Variants in NELL2 observed in about 807,000 individuals in gnomAD.
The protein encoded by NELL2 is protein kinase C-binding protein NELL2.
Under a neutral mutation model 109.6 loss-of-function variants are expected in NELL2, and 41 were observed. The ratio of observed to expected loss-of-function variants is 0.37; its 90% confidence interval spans 0.29 to 0.49. NELL2 has a LOEUF of 0.49. NELL2 is among the 20% of genes least tolerant of loss of function. NELL2 has a pLI of 0.98. For synonymous variants in NELL2, 355 were observed against 344.7 expected, an observed-to-expected ratio of 1.03 and a Z score of -0.33; for missense variants, 900 against 1,008.3, an observed-to-expected ratio of 0.89 and a Z score of 1.45.
chr12:44,683,198 A>C (rs566258450), intron 12 of NELL2, among the ~76,000 whole-genome samples: 140 of 152,156 alleles, frequency 9.2e-4, no homozygotes, highest in Non-Finnish European at 1.7e-3. Flanking sequence ...ACGGGAGTTC[A>C]CTCATGATTT....
intron 12 of NELL2, among the ~76,000 whole-genome samples, chr12:44,678,605 A>G (rs1328637255): frequency 1.3e-5 from 2 of 152,094 alleles, no homozygotes; most frequent in Non-Finnish European, 2.9e-5. Flanking sequence ...TCCCACATGC[A>G]TTGTGAGCTA....
At chr12:44,893,353 T>C (rs959522756) in intron 1 of NELL2, among the ~76,000 whole-genome samples, 4 of 152,214 alleles carry the variant, frequency 2.6e-5, no homozygotes, top group Non-Finnish European at 4.4e-5. Flanking sequence ...TCATTTTCAA[T>C]TCTGAAATTT....
upstream of NELL2, among the ~76,000 whole-genome samples, chr12:44,916,764 T>A (rs1380653219): frequency 6.6e-6 from 1 of 152,148 alleles, no homozygotes; most frequent in Admixed American, 6.5e-5. Flanking sequence ...TGAACACCAG[T>A]ACCATAGAAT....
intron 15 of NELL2, among the ~76,000 whole-genome samples, chr12:44,566,566 C>CACACACACAGAGAG (rs377368706): frequency 7.2e-6 from 1 of 138,422 alleles, no homozygotes; most frequent in African/African-American, 2.6e-5. Context: ...CACACACACA[C>CACACACACAGAGAG]AGAGTTTTAT....
chr12:44,844,466 T>C (rs928218419), intron 2 of NELL2, among the ~76,000 whole-genome samples: 1 of 152,242 alleles, frequency 6.6e-6, no homozygotes. Context: ...TGATGCCATT[T>C]AGACAAAGCA....
At chr12:44,616,296 C>T (rs1305096472) in intron 13 of NELL2, among the ~76,000 whole-genome samples, 2 of 152,154 alleles carry the variant, frequency 1.3e-5, no homozygotes, top group Admixed American at 6.6e-5. Context: ...CTCTTCTGTT[C>T]AAATTTTAAA....
At chr12:44,528,020 G>C (rs372822250) in intron 16 of NELL2, among the ~76,000 whole-genome samples, 4 of 150,234 alleles carry the variant, frequency 2.7e-5, no homozygotes, top group South Asian at 4.2e-4. Flanking sequence ...CGTGAACCGG[G>C]GAGGTGGAGC....
At chr12:44,560,511 C>A (rs1006331618) in intron 15 of NELL2, among the ~76,000 whole-genome samples, 4 of 151,982 alleles carry the variant, frequency 2.6e-5, no homozygotes, top group Admixed American at 2.0e-4. Context: ...ACCACTGATC[C>A]CACAGAAATA....
At chr12:44,781,870 T>C (rs557122162) in intron 3 of NELL2, among the ~76,000 whole-genome samples, 4 of 152,056 alleles carry the variant, frequency 2.6e-5, no homozygotes, top group Admixed American at 1.3e-4. Context: ...GAATTTATCA[T>C]GAGAAGACCT....
chr12:44,568,841 A>G (rs1412893743), intron 15 of NELL2, among the ~76,000 whole-genome samples: 2 of 152,098 alleles, frequency 1.3e-5, no homozygotes, highest in African/African-American at 2.4e-5. Flanking sequence ...TTAGAAAGCA[A>G]TATGTACAAA....
At chr12:44,537,704 A>AT (rs947611168) in intron 15 of NELL2, among the ~76,000 whole-genome samples, 6 of 151,796 alleles carry the variant, frequency 4.0e-5, no homozygotes, top group East Asian at 1.9e-4. Flanking sequence ...TATCTGAAAC[A>AT]TTTTTTTTAA....
At chr12:44,751,270 C>T (rs146950799) in intron 9 of NELL2, among the ~76,000 whole-genome samples, 2,734 of 152,180 alleles carry the variant, frequency 0.018, 28 homozygotes, top group Non-Finnish European at 0.028. Flanking sequence ...CCTTTAAAGA[C>T]ATTTATAGAC....
At chr12:44,698,204 T>C (rs753108830) in intron 12 of NELL2, among the ~76,000 whole-genome samples, 1 of 152,156 alleles carries the variant, frequency 6.6e-6, no homozygotes, top group African/African-American at 2.4e-5. Flanking sequence ...TATTTCCAAA[T>C]AAGGTAACAT....
intron 3 of NELL2, among the ~76,000 whole-genome samples, chr12:44,814,476 C>T (rs1399758004): frequency 6.6e-6 from 1 of 152,030 alleles, no homozygotes. Flanking sequence ...ACAAGGAGCT[C>T]ACTGGATCTC....
chr12:44,790,720 G>T (rs1341657402), intron 3 of NELL2, among the ~76,000 whole-genome samples: 2 of 151,710 alleles, frequency 1.3e-5, no homozygotes, highest in Non-Finnish European at 2.9e-5. Flanking sequence ...ATACAGAACC[G>T]TAGAATGGAT....
chr12:44,687,248 C>CGCGT (rs1948751948), intron 12 of NELL2, among the ~76,000 whole-genome samples: 1 of 116,628 alleles, frequency 8.6e-6, no homozygotes, highest in East Asian at 3.1e-4. Flanking sequence ...GAGGCAATGC[C>CGCGT]GCGCCCTGCT....
intron 13 of NELL2, among the ~76,000 whole-genome samples, chr12:44,630,691 T>G (rs1049442637): frequency 6.6e-6 from 1 of 152,134 alleles, no homozygotes; most frequent in Non-Finnish European, 1.5e-5. Context: ...GAATGAGGAT[T>G]CACTAAAACA....
chr12:44,763,437 A>C (rs1941205377), intron 9 of NELL2, among the ~76,000 whole-genome samples: 1 of 152,192 alleles, frequency 6.6e-6, no homozygotes, highest in Non-Finnish European at 1.5e-5. Flanking sequence ...CCTCTTTCTC[A>C]AAGCATAATA....
At chr12:44,605,262 G>A (rs945256458) in intron 15 of NELL2, among the ~76,000 whole-genome samples, 1 of 152,142 alleles carries the variant, frequency 6.6e-6, no homozygotes, top group Non-Finnish European at 1.5e-5. Flanking sequence ...CCTGAACCCA[G>A]TATTTCTGTA....
Sources: allele counts gnomAD v4.1 joint callset (sites outside exome capture counted in the v4.1 genomes callset), GRCh38; gene constraint gnomAD v4.1.1; transcripts MANE v1.5; gene names NCBI Gene and HGNC (gene_info 2026-07-23, HGNC 2026-07-21).